Variants in ATXN7L1 observed in about 807,000 individuals in gnomAD.
ATXN7L1 encodes ataxin 7 like 1, also known as ataxin-7-like protein 1.
A neutral mutation model predicts 70.8 loss-of-function variants in ATXN7L1; 15 were observed. The observed-to-expected ratio is 0.21, with a 90% confidence interval of 0.14 to 0.33. ATXN7L1 has a LOEUF of 0.33. Among genes scored for constraint, ATXN7L1 ranks in the 10% least tolerant of loss-of-function variants. The pLI is 1.00. For synonymous variants in ATXN7L1, 440 were observed against 445.1 expected (o/e 0.99, Z 0.14); for missense variants, 975 against 1,097.1 (o/e 0.89, Z 1.57).
chr7:105,876,245 A>T, intron 1 of ATXN7L1, 133 bp downstream of exon 1: 1 of 1,179,942 alleles, frequency 8.5e-7, no homozygotes, highest in Non-Finnish European at 1.2e-6. Flanking sequence ...GTATTTATTT[A>T]GAGAGAGAGG....
intron 3 of ATXN7L1, among the ~76,000 whole-genome samples, chr7:105,778,337 A>T (rs1747390689): frequency 7.6e-6 from 1 of 130,752 alleles, no homozygotes; most frequent in African/African-American, 2.9e-5. Context: ...CGAAACCCGC[A>T]TCTCTACAAA....
chr7:105,651,411 C>T lies in ATXN7L1; in HGVS notation c.579-8290G>A, dbSNP rs139372976. The stretch of plus-strand genomic sequence containing the variant: ...GATCCCAGCATCTGCTCTCATCCAC[C>T]GATACTTGAAAGGTATATATGTGGG... On this transcript the variant is annotated intron_variant, in intron 4 of 11. Transcript: ENST00000419735. 1.1e-3 allele frequency among the ~76,000 whole-genome samples: 168 copies of T among 152,288 alleles called. 1 individual carries two copies. The highest frequency in any genetic ancestry group is 0.01 in the Middle Eastern group (3 of 294).
At chr7:105,852,621 T>C (rs1815041056) in intron 2 of ATXN7L1, among the ~76,000 whole-genome samples, 1 of 151,852 alleles carries the variant, frequency 6.6e-6, no homozygotes, top group Non-Finnish European at 1.5e-5. Context: ...CGCACACACA[T>C]TCCTGTCAGC....
chr7:105,644,389 T>G (rs938540735), intron 4 of ATXN7L1, among the ~76,000 whole-genome samples: 2 of 152,200 alleles, frequency 1.3e-5, no homozygotes, highest in African/African-American at 2.4e-5. Flanking sequence ...AGATTGTGGC[T>G]GGACATTACC....
intron 7 of ATXN7L1, among the ~76,000 whole-genome samples, chr7:105,628,358 G>A (rs541936722): frequency 6.6e-6 from 1 of 151,910 alleles, no homozygotes; most frequent in South Asian, 2.1e-4. Flanking sequence ...TGAAAAATAG[G>A]AAAAACAAAA....
At chr7:105,761,720 G>T (rs1360723786) in intron 3 of ATXN7L1, among the ~76,000 whole-genome samples, 1 of 152,100 alleles carries the variant, frequency 6.6e-6, no homozygotes, top group Non-Finnish European at 1.5e-5. Context: ...CGGTGGGGTG[G>T]GGGCAGGAGT....
In ATXN7L1 at chr7:105,785,324, A is replaced by C. The variant is rs527979575; in HGVS notation, c.355+3280T>G. The stretch of plus-strand genomic sequence containing the variant: ...TTACTAAAAATACAAAAATTAGCCA[A>C]GTGTGGTGGCGGGCACCTGTAGTTC... On this transcript the variant is annotated intron_variant, in intron 3 of 11. Transcript: ENST00000419735. Among the ~76,000 whole-genome samples, 12 of 152,206 alleles carry C rather than the reference A, an allele frequency of 7.9e-5. No homozygotes were observed. In the South Asian group the frequency reaches 2.5e-3, roughly 32 times the overall value.
chr7:105,857,638 T>G (rs1380500073), intron 2 of ATXN7L1, among the ~76,000 whole-genome samples: 1 of 152,232 alleles, frequency 6.6e-6, no homozygotes, highest in Non-Finnish European at 1.5e-5. Flanking sequence ...GAAGGATTAT[T>G]TTAAGTATAA....
intron 7 of ATXN7L1, among the ~76,000 whole-genome samples, chr7:105,631,431 A>G (rs903206535): frequency 3.3e-5 from 5 of 152,212 alleles, no homozygotes; most frequent in African/African-American, 1.2e-4. Context: ...ACACAACCAG[A>G]TGATGAGTTA....
intron 2 of ATXN7L1, among the ~76,000 whole-genome samples, chr7:105,843,343 A>G (rs539035950): frequency 3.1e-4 from 47 of 152,344 alleles, no homozygotes; most frequent in Admixed American, 7.2e-4. Flanking sequence ...GATTAGCAAG[A>G]TGGTCTGAGA....
At chr7:105,608,769 CA>C (rs1242751169) in intron 11 of ATXN7L1, among the ~76,000 whole-genome samples, 1 of 152,190 alleles carries the variant, frequency 6.6e-6, no homozygotes, top group Admixed American at 6.5e-5. Context: ...AATCTTTACC[CA>C]AACTCTACCC....
chr7:105,758,729 G>C (rs560886289), intron 3 of ATXN7L1, among the ~76,000 whole-genome samples: 1 of 152,376 alleles, frequency 6.6e-6, no homozygotes, highest in Admixed American at 6.5e-5. Flanking sequence ...ACACTGCCCA[G>C]GGTAGAATGT....
intron 7 of ATXN7L1, among the ~76,000 whole-genome samples, chr7:105,628,111 G>A (rs963912292): frequency 7.9e-5 from 12 of 151,990 alleles, no homozygotes; most frequent in African/African-American, 2.9e-4. Flanking sequence ...CCAAAGTGTT[G>A]GGATTACAGG....
At chr7:105,691,962 C>T (rs904065073) in intron 3 of ATXN7L1, among the ~76,000 whole-genome samples, 1 of 152,222 alleles carries the variant, frequency 6.6e-6, no homozygotes, top group South Asian at 2.1e-4. Context: ...GAAAGCGAAC[C>T]GGCTGCCTCG....
chr7:105,617,207 G>A (rs1274335663), intron 9 of ATXN7L1, among the ~76,000 whole-genome samples: 1 of 152,116 alleles, frequency 6.6e-6, no homozygotes, highest in Non-Finnish European at 1.5e-5. Flanking sequence ...TTTGTTTTTA[G>A]TAGAGACGGG....
At chr7:105,608,401 A>G (rs1411384618) in intron 11 of ATXN7L1, among the ~76,000 whole-genome samples, 1 of 152,292 alleles carries the variant, frequency 6.6e-6, no homozygotes. Flanking sequence ...AAAGGTTTAA[A>G]TGTGTGTAGC....
intron 3 of ATXN7L1, among the ~76,000 whole-genome samples, chr7:105,734,546 T>A (rs1248839965): frequency 1.3e-5 from 2 of 152,128 alleles, no homozygotes; most frequent in Non-Finnish European, 2.9e-5. Flanking sequence ...GACTCAAGCG[T>A]GCACCAGCTC....
At chr7:105,728,816 T>C (rs1265841191) in intron 3 of ATXN7L1, among the ~76,000 whole-genome samples, 5 of 152,146 alleles carry the variant, frequency 3.3e-5, no homozygotes, top group African/African-American at 1.2e-4. Context: ...CCTACAAGGA[T>C]AGGTGTGTAT....
intron 4 of ATXN7L1, among the ~76,000 whole-genome samples, chr7:105,649,920 A>T (rs1042354219): frequency 6.6e-6 from 1 of 152,196 alleles, no homozygotes; most frequent in African/African-American, 2.4e-5. Flanking sequence ...GCCTGGCAGA[A>T]TTTTGAGAAT....
Sources: allele counts gnomAD v4.1 joint callset (sites outside exome capture counted in the v4.1 genomes callset), GRCh38; gene constraint gnomAD v4.1.1; transcripts MANE v1.5; gene names NCBI Gene and HGNC (gene_info 2026-07-23, HGNC 2026-07-21).